The following CYSLTR1 variants were observed in gnomAD, a reference collection of about 807,000 sequenced individuals.
The protein encoded by CYSLTR1 is cysteinyl leukotriene receptor 1.
A neutral mutation model predicts 2.1 loss-of-function variants in CYSLTR1; 1 was observed. The ratio of observed to expected loss-of-function variants is 0.48; its 90% CI spans 0.17 to 2.28. The LOEUF is 2.28. CYSLTR1 is among the 30% of genes most tolerant of loss of function. The pLI, the probability that CYSLTR1 is intolerant of heterozygous loss-of-function variation, is 0.26. For synonymous variants in CYSLTR1, 110 were observed against 89.6 expected, an observed-to-expected ratio of 1.23 and a Z score of -1.28; for missense variants, 299 against 250.1, an observed-to-expected ratio of 1.20 and a Z score of -1.32.
Position 78,273,379 on chromosome X carries a change from A to G in CYSLTR1, c.368T>C (p.Ile123Thr), listed in dbSNP as rs139639671. ...GTTCTGGACTGGAAAAACAATTGCA[A>G]TGCACCGGAAAAAGCTCATGGCTGT... is the stretch of plus-strand genomic sequence containing the variant. Reference protein sequence around the residue: ...FMTAMSFFRCIAIVFPVQNIN... With the variant: ...FMTAMSFFRCTAIVFPVQNIN... Residue 123 changes from isoleucine to threonine, a missense_variant, in exon 3 of 3, where the codon ATT becomes ACT. Coordinates refer to ENST00000373304, the MANE Select transcript of CYSLTR1 (RefSeq NM_006639.4). The G allele has an allele frequency of 9.7e-4, 1,174 of 1,209,629 alleles. 2 individuals carry two copies. The highest frequency in any genetic ancestry group is 1.4e-3 in the Admixed American group (66 of 45,608).
intron 2 of CYSLTR1, among the ~76,000 whole-genome samples, chrX:78,281,702 A>T (rs1383816635): frequency 4.5e-5 from 5 of 111,938 alleles, no homozygotes; most frequent in Admixed American, 1.9e-4. Context: ...AGTAAATAAT[A>T]TAATATTAAC....
rs1470790768 is a variant in CYSLTR1, at chrX:78,272,664, G to A, written c.*69C>T. ...ATTAAGTAAAATTTTTATTTTTTTT[G>A]TAAATGATTTGACAAAATACTTATT... On this transcript the variant is annotated 3_prime_UTR_variant, in exon 3 of 3. Coordinates refer to ENST00000373304, the MANE Select transcript of CYSLTR1 (RefSeq NM_006639.4). The A allele has an allele frequency of 2.0e-6, 2 of 1,007,760 alleles. No homozygotes were observed. The highest frequency in any genetic ancestry group is 2.6e-6 in the Non-Finnish European group (2 of 768,562). The allele number at this position is 1,007,760 out of a possible 1,213,427, so 83.1% of individuals were successfully genotyped here. A position where few individuals can be genotyped will look rare whatever the true frequency, so the allele number is the denominator to read the frequency against.
intron 2 of CYSLTR1, among the ~76,000 whole-genome samples, chrX:78,280,239 G>A (rs1382861555): frequency 9.0e-6 from 1 of 111,166 alleles, no homozygotes; most frequent in Non-Finnish European, 1.9e-5. Flanking sequence ...CTCAGGTGTA[G>A]TTGTGGAAGA....
intron 2 of CYSLTR1, among the ~76,000 whole-genome samples, chrX:78,274,563 T>C (rs1031205979): frequency 1.8e-5 from 2 of 111,553 alleles, no homozygotes; most frequent in Non-Finnish European, 3.8e-5. Flanking sequence ...CCTTACACCT[T>C]ATATAAAAAG....
intron 1 of CYSLTR1, among the ~76,000 whole-genome samples, chrX:78,308,915 G>C (rs1337336653): frequency 2.7e-5 from 3 of 111,407 alleles, no homozygotes; most frequent in Non-Finnish European, 5.6e-5. Flanking sequence ...TTCCCTGGGA[G>C]AGATATAGCT....
At chrX:78,312,706 A>C (rs1441258711) in intron 1 of CYSLTR1, among the ~76,000 whole-genome samples, 4 of 112,385 alleles carry the variant, frequency 3.6e-5, no homozygotes, top group African/African-American at 1.3e-4. Flanking sequence ...ACCAACAAAC[A>C]TAAAAAATAC....
chrX:78,317,177 A>G (rs1158963161), intron 1 of CYSLTR1, among the ~76,000 whole-genome samples: 1 of 112,601 alleles, frequency 8.9e-6, no homozygotes, highest in Non-Finnish European at 1.9e-5. Context: ...GAAAAGGGAC[A>G]TGTATAGACA....
intron 2 of CYSLTR1, among the ~76,000 whole-genome samples, 170 bp from the exon 3 acceptor site, chrX:78,273,943 C>T (rs540352132): frequency 9.0e-5 from 10 of 110,847 alleles, no homozygotes; most frequent in South Asian, 7.7e-4. Context: ...GAGAAGAGTC[C>T]GTATCCTACA....
intron 1 of CYSLTR1, chrX:78,321,033 C>CA (rs1487536091): frequency 9.1e-6 from 1 of 110,426 alleles, no homozygotes. Flanking sequence ...TTTTCCTCTC[C>CA]TAATTGGGCA....
chrX:78,291,988 T>C, intron 1 of CYSLTR1, among the ~76,000 whole-genome samples: 1 of 111,315 alleles, frequency 9.0e-6, no homozygotes, highest in Middle Eastern at 4.6e-3. Context: ...GCTCTGATCT[T>C]AGTTATTTCT....
At chrX:78,322,112 A>G (rs1485901786) in intron 1 of CYSLTR1, among the ~76,000 whole-genome samples, 2 of 110,852 alleles carry the variant, frequency 1.8e-5, no homozygotes, top group Admixed American at 9.6e-5. Context: ...ACATATTTAA[A>G]GAGGGTGCAG....
Position 78,304,684 on chromosome X carries a change from G to A in CYSLTR1, c.-114-21144C>T, listed in dbSNP as rs545196273. Among the ~76,000 whole-genome samples the A allele has an allele frequency of 4.6e-3, 514 of 111,120 alleles. 1 individual carries two copies. Among genetic ancestry groups the A allele is most frequent in the Middle Eastern group, 0.032 (7 of 216 alleles). ...GTCTAAAGGAACTCCCCAAACCTCC[G>A]TGACTTAGCAGGAGACAAGATAAGG... On this transcript the variant is annotated intron_variant, in intron 1 of 2. Transcript: ENST00000373304.
At chrX:78,317,763 G>A (rs757621373) in intron 1 of CYSLTR1, among the ~76,000 whole-genome samples, 1 of 112,073 alleles carries the variant, frequency 8.9e-6, no homozygotes, top group Non-Finnish European at 1.9e-5. Flanking sequence ...TCCCTTATAT[G>A]TGGGAGCTAA....
intron 1 of CYSLTR1, among the ~76,000 whole-genome samples, chrX:78,302,303 A>G (rs1372935104): frequency 1.8e-5 from 2 of 112,155 alleles, no homozygotes; most frequent in African/African-American, 6.5e-5. Flanking sequence ...CTCACCCTGC[A>G]TGGCAGTGGG....
chrX:78,291,906 A>C (rs1922350688), intron 1 of CYSLTR1, among the ~76,000 whole-genome samples: 1 of 16,586 alleles, frequency 6.0e-5, no homozygotes, highest in Non-Finnish European at 2.2e-4. Flanking sequence ...GATCTTTTCA[A>C]AAAAAAAAAC....
intron 1 of CYSLTR1, 141 bp from the exon 2 acceptor site, chrX:78,283,681 T>C (rs766282758): frequency 8.9e-6 from 1 of 112,329 alleles, no homozygotes; most frequent in South Asian, 3.7e-4. Context: ...GGCTAGTCAC[T>C]GAATTCTGTG....
intron 1 of CYSLTR1, among the ~76,000 whole-genome samples, chrX:78,323,962 A>G (rs1384923571): frequency 1.8e-5 from 2 of 111,707 alleles, no homozygotes; most frequent in East Asian, 2.8e-4. Flanking sequence ...CTCTATTTCT[A>G]TAAGGACCTC....
chrX:78,287,324 C>T (rs745416507), intron 1 of CYSLTR1, among the ~76,000 whole-genome samples: 2 of 111,814 alleles, frequency 1.8e-5, no homozygotes, highest in East Asian at 2.8e-4. Context: ...TGCAAAAGAC[C>T]ACATTTTGCT....
chrX:78,292,209 C>A (rs903277925), intron 1 of CYSLTR1, among the ~76,000 whole-genome samples: 21 of 112,035 alleles, frequency 1.9e-4, no homozygotes, highest in African/African-American at 6.8e-4. Context: ...TTTATCTCTG[C>A]CTTCATTTCT....
Sources: gnomAD v4.1 joint callset for allele counts (sites outside exome capture counted in the v4.1 genomes callset) on GRCh38, gnomAD v4.1.1 for gene constraint, MANE v1.5 for transcripts, NCBI Gene and HGNC (gene_info 2026-07-23, HGNC 2026-07-21) for gene names.